SPINT2: variants seen among roughly 807,000 people sequenced by gnomAD.
SPINT2 encodes kunitz-type protease inhibitor 2.
In SPINT2, 18 loss-of-function variants were observed where a neutral mutation model predicts 30.1. The ratio of observed to expected loss-of-function variants is 0.60; its 90% CI spans 0.41 to 0.89. The LOEUF is 0.89. Ranked by LOEUF, SPINT2 falls within the 40% of genes least tolerant of loss-of-function variation. The probability of loss-of-function intolerance (pLI) is 0.00; values close to 1 mark genes in which losing one functional copy is unlikely to be tolerated. For missense variants in SPINT2, 276 were observed against 334.3 expected, an observed-to-expected ratio of 0.83 and a Z score of 1.36; for synonymous variants, 139 against 137.9, an observed-to-expected ratio of 1.01 and a Z score of -0.05.
intron 1 of SPINT2, among the ~76,000 whole-genome samples, chr19:38,268,112 C>T (rs58560372): frequency 0.13 from 20,066 of 151,946 alleles, 1,401 homozygotes; most frequent in East Asian, 0.17. Context: ...CAGGCCCCAC[C>T]GTGTGAGAGT....
chr19:38,285,470 A>G lies in SPINT2; in HGVS notation c.277+1673A>G, dbSNP rs548305121. Among the ~76,000 whole-genome samples the G allele has an allele frequency of 6.0e-4, 92 of 152,210 alleles. 1 individual carries two copies. The highest frequency in any genetic ancestry group is 1.1e-3 in the Non-Finnish European group (75 of 68,004). On this transcript the variant is annotated intron_variant, in intron 2 of 6. Transcript: ENST00000301244. The stretch of plus-strand genomic sequence containing the variant: ...AGTGATTCTCGTGCCTCAGCCTCTC[A>G]AGTAGCTGGGACTACAGGCGTGCAC...
At chr19:38,281,486 G>C (rs1294327101) in intron 1 of SPINT2, among the ~76,000 whole-genome samples, 1 of 152,052 alleles carries the variant, frequency 6.6e-6, no homozygotes, top group Non-Finnish European at 1.5e-5. Flanking sequence ...GAGATGGGCG[G>C]ATCACCTGAG....
At chr19:38,284,790 C>G (rs2146275749) in intron 2 of SPINT2, among the ~76,000 whole-genome samples, 1 of 152,220 alleles carries the variant, frequency 6.6e-6, no homozygotes, top group East Asian at 1.9e-4. Flanking sequence ...CTCTGTCGCC[C>G]AAGTTGGAGT....
chr19:38,287,979 G>C, intron 3 of SPINT2, 44 bp downstream of exon 3: 1 of 1,593,112 alleles, frequency 6.3e-7, no homozygotes, highest in Non-Finnish European at 8.6e-7. Flanking sequence ...GCCACCGGAT[G>C]GGTCATTGTG....
At position 38,285,385 on chromosome 19, in the gene SPINT2, A is replaced by G. The variant is rs202211682; in HGVS notation, c.277+1588A>G. On this transcript the variant is annotated intron_variant, in intron 2 of 6. Transcript: ENST00000301244. ...TTCTTTTTTTCTCGCTTAGTCGCCT[A>G]CCAGGCTGGAGTGCAGTGATGTGAT... is the stretch of plus-strand genomic sequence containing the variant. 5.3e-5 allele frequency among the ~76,000 whole-genome samples: 8 copies of G among 152,148 alleles called. No homozygotes were observed. In the East Asian group the frequency reaches 1.5e-3, roughly 29 times the overall value.
At chr19:38,265,205 G>C (rs1168211780) in intron 1 of SPINT2, 3 of 533,552 alleles carry the variant, frequency 5.6e-6, no homozygotes, top group Non-Finnish European at 1.0e-5. Flanking sequence ...GGAGGAGCGA[G>C]GGTTAGGAGA....
At chr19:38,270,221 G>A (rs971939172) in intron 1 of SPINT2, among the ~76,000 whole-genome samples, 1 of 152,200 alleles carries the variant, frequency 6.6e-6, no homozygotes, top group Non-Finnish European at 1.5e-5. Context: ...TGACAGAAGA[G>A]CTAAAGTAAA....
chr19:38,286,199 T>C (rs1243125639), intron 2 of SPINT2, among the ~76,000 whole-genome samples: 1 of 152,174 alleles, frequency 6.6e-6, no homozygotes, highest in African/African-American at 2.4e-5. Flanking sequence ...AGGCAGGCTC[T>C]GTGGGAAGGC....
chr19:38,288,385 C>T (rs965739020), intron 3 of SPINT2: 3 of 299,614 alleles, frequency 1.0e-5, no homozygotes, highest in Non-Finnish European at 2.0e-5. Flanking sequence ...CCCGCCTCCC[C>T]GCCACTGCAG....
At chr19:38,291,693 G>C (rs1450712781) in intron 6 of SPINT2, 147 bp from the exon 7 acceptor site, 12 of 951,226 alleles carry the variant, frequency 1.3e-5, no homozygotes, top group Admixed American at 2.8e-5. Flanking sequence ...GTCCTCTCCA[G>C]CTGCAGTTCT....
intron 3 of SPINT2, chr19:38,288,765 T>C (rs1968674208): frequency 3.6e-6 from 1 of 275,394 alleles, no homozygotes; most frequent in African/African-American, 2.2e-5. Context: ...TCTGCCTGGC[T>C]CCCTGTTTAT....
At chr19:38,289,551 C>A (rs1348569150) in intron 4 of SPINT2, 1 of 217,552 alleles carries the variant, frequency 4.6e-6, no homozygotes, top group East Asian at 1.2e-4. Context: ...AACATGTATT[C>A]TTAGTTGGGT....
chr19:38,272,781 G>A (rs1968471971), intron 1 of SPINT2, among the ~76,000 whole-genome samples: 1 of 152,160 alleles, frequency 6.6e-6, no homozygotes. Flanking sequence ...GTGCAGTGGT[G>A]CGATCTCGGC....
At chr19:38,283,490 C>A in intron 1 of SPINT2, 137 bp from the exon 2 acceptor site, 1 of 1,081,394 alleles carries the variant, frequency 9.2e-7, no homozygotes, top group Non-Finnish European at 1.4e-6. Context: ...ACGATCTGGG[C>A]TTGGGAAACA....
At chr19:38,287,998 C>G (rs1968663502) in intron 3 of SPINT2, 63 bp downstream of exon 3, 1 of 1,565,874 alleles carries the variant, frequency 6.4e-7, no homozygotes, top group African/African-American at 1.4e-5. Context: ...TGAAAGGACA[C>G]TTGTCATTTG....
chr19:38,269,277 T>C (rs935290343), intron 1 of SPINT2, among the ~76,000 whole-genome samples: 1 of 151,830 alleles, frequency 6.6e-6, no homozygotes, highest in Non-Finnish European at 1.5e-5. Context: ...TTTTGTATTT[T>C]TAGTAGAGAC....
intron 1 of SPINT2, among the ~76,000 whole-genome samples, chr19:38,275,984 C>T (rs1441767690): frequency 6.6e-6 from 1 of 152,028 alleles, no homozygotes; most frequent in Non-Finnish European, 1.5e-5. Context: ...GCCTCGGCCT[C>T]CCAAAGTGCT....
At chr19:38,265,175 C>T (rs1339064562) in intron 1 of SPINT2, among the ~76,000 whole-genome samples, 177 bp downstream of exon 1, 1 of 152,168 alleles carries the variant, frequency 6.6e-6, no homozygotes, top group African/African-American at 2.4e-5. Context: ...GTTTGGGAGC[C>T]TTCGACAGCG....
intron 1 of SPINT2, among the ~76,000 whole-genome samples, chr19:38,270,007 C>G (rs145462055): frequency 7.5e-6 from 1 of 132,564 alleles, no homozygotes; most frequent in Non-Finnish European, 1.6e-5. Context: ...ATTACAGGCT[C>G]GAGCCACGTG....
Sources: gnomAD v4.1 joint callset for allele counts (sites outside exome capture counted in the v4.1 genomes callset) on GRCh38, gnomAD v4.1.1 for gene constraint, MANE v1.5 for transcripts, NCBI Gene and HGNC (gene_info 2026-07-23, HGNC 2026-07-21) for gene names.